The following SMIM19 variants were observed in gnomAD, a reference collection of about 807,000 sequenced individuals.
SMIM19 encodes UPF0697 protein C8orf40.
In SMIM19, 6 loss-of-function variants were observed where a neutral mutation model predicts 13.2. The observed-to-expected ratio is 0.45, with a 90% confidence interval of 0.25 to 0.90. The LOEUF is 0.90. Ranked by LOEUF, SMIM19 falls within the 40% of genes least tolerant of loss-of-function variation. SMIM19 has a pLI of 0.19. For synonymous variants in SMIM19, 46 were observed against 43.1 expected, an observed-to-expected ratio of 1.07 and a Z score of -0.27; for missense variants, 138 against 131.0, an observed-to-expected ratio of 1.05 and a Z score of -0.26.
Position 42,552,671 on chromosome 8 carries a change from T to A in SMIM19, c.*63T>A, listed in dbSNP as rs1813713086. On this transcript the variant is annotated 3_prime_UTR_variant, in exon 4 of 4. Coordinates refer to ENST00000417410, the MANE Select transcript of SMIM19 (RefSeq NM_001135674.2). ...GCTCCTGATTCTTTCTACTAAATCA[T>A]GAACAGCTTTAAAAACATTTCTGTC... 5 of 1,521,642 alleles carry A rather than the reference T, an allele frequency of 3.3e-6. No homozygotes were observed. Among genetic ancestry groups the A allele is most frequent in the African/African-American group, 1.4e-5 (1 of 72,450 alleles). The allele number at this position is 1,521,642 out of a possible 1,614,324, so 94.3% of individuals were successfully genotyped here.
At chr8:42,548,156 A>T (rs555717033) in intron 2 of SMIM19, among the ~76,000 whole-genome samples, 6 of 152,138 alleles carry the variant, frequency 3.9e-5, no homozygotes, top group Non-Finnish European at 1.5e-5. Flanking sequence ...CCGCCTCCCC[A>T]TGTTTCTTTT....
chr8:42,548,144 C>T (rs748847101), intron 2 of SMIM19, among the ~76,000 whole-genome samples: 1 of 152,150 alleles, frequency 6.6e-6, no homozygotes, highest in African/African-American at 2.4e-5. Context: ...AAACAGCCAC[C>T]GCCGCCTCCC....
chr8:42,552,443 C>A, intron 3 of SMIM19, 101 bp from the exon 4 acceptor site: 16 of 1,288,576 alleles, frequency 1.2e-5, no homozygotes, highest in Non-Finnish European at 1.7e-5. Flanking sequence ...AAAACTAATT[C>A]TTCATTGAGA....
At chr8:42,543,938 A>G (rs1019931097) in intron 1 of SMIM19, among the ~76,000 whole-genome samples, 1 of 152,102 alleles carries the variant, frequency 6.6e-6, no homozygotes, top group African/African-American at 2.4e-5. Flanking sequence ...GGTGGTTGCT[A>G]TTTTACACTT....
intron 1 of SMIM19, among the ~76,000 whole-genome samples, chr8:42,544,523 A>AATATATATTTAGATAGTG (rs1563566957): frequency 1.5e-4 from 5 of 34,376 alleles, no homozygotes; most frequent in African/African-American, 3.8e-4. Flanking sequence ...TAGTGTTTAA[A>AATATATATTTAGATAGTG]CAATATTTAG....
rs1225545867 is a variant in SMIM19, at chr8:42,541,739, C to T, written c.-639C>T. ...CCCCGCGTCCCCGCTTCTCCCGGTC[C>T]CCGGCGGGGCCGCGTCACCCGGCCC... On this transcript the variant is annotated 5_prime_UTR_variant, in exon 1 of 4. Coordinates refer to ENST00000417410, the MANE Select transcript of SMIM19 (RefSeq NM_001135674.2). 1 of 149,130 alleles carries T rather than the reference C, an allele frequency of 6.7e-6. No homozygotes were observed. The highest frequency in any genetic ancestry group is 1.5e-5 in the Non-Finnish European group (1 of 66,962). 9.2% of individuals were successfully genotyped at this position (149,130 alleles called of 1,614,324 possible).
intron 1 of SMIM19, among the ~76,000 whole-genome samples, chr8:42,544,321 G>T (rs180779872): frequency 6.6e-6 from 1 of 151,880 alleles, no homozygotes; most frequent in Non-Finnish European, 1.5e-5. Flanking sequence ...TGAGGCAGGG[G>T]AATGGTGTGA....
chr8:42,550,727 T>G (rs1813646624), intron 3 of SMIM19, among the ~76,000 whole-genome samples: 1 of 152,194 alleles, frequency 6.6e-6, no homozygotes, highest in African/African-American at 2.4e-5. Context: ...CCCTTTTGTC[T>G]TGTGAGGTAA....
At position 42,542,437 on chromosome 8, in the gene SMIM19, T is replaced by C. The variant is rs145320140; in HGVS notation, c.-5+64T>C. 1.1e-3 allele frequency: 1,122 copies of C among 985,250 alleles called. 15 individuals carry two copies. In the African/African-American group the frequency reaches 0.018, roughly 16 times the overall value. The allele number at this position is 985,250 out of a possible 1,614,324, so 61.0% of individuals were successfully genotyped here. A position where few individuals can be genotyped will look rare whatever the true frequency, so the allele number is the denominator to read the frequency against. ...GTTTCAGAGGGATGAGAGAAAGAAATCCCATTTTTTGATGCAGAGGATTTT... is the reference window on the plus strand; with the variant it reads ...GTTTCAGAGGGATGAGAGAAAGAAACCCCATTTTTTGATGCAGAGGATTTT... On this transcript the variant is annotated intron_variant, in intron 1 of 3. Transcript: ENST00000417410.
intron 3 of SMIM19, among the ~76,000 whole-genome samples, chr8:42,552,206 G>A (rs1346733339): frequency 6.6e-6 from 1 of 151,646 alleles, no homozygotes; most frequent in Admixed American, 6.6e-5. Context: ...ATCACTTGAG[G>A]CCAGGAGTTC....
chr8:42,548,544 G>T (rs1253295933), intron 2 of SMIM19, 112 bp from the exon 3 acceptor site: 1 of 1,366,960 alleles, frequency 7.3e-7, no homozygotes, highest in Non-Finnish European at 1.0e-6. Flanking sequence ...AAGTAAAATG[G>T]TCTTGTCATT....
intron 1 of SMIM19, among the ~76,000 whole-genome samples, chr8:42,544,284 T>G (rs561711526): frequency 6.1e-4 from 92 of 151,934 alleles, no homozygotes; most frequent in Non-Finnish European, 1.1e-3. Flanking sequence ...GGTGGTGGGC[T>G]CCTATAGTCC....
chr8:42,548,583 C>A, intron 2 of SMIM19, 73 bp from the exon 3 acceptor site: 1 of 1,580,892 alleles, frequency 6.3e-7, no homozygotes, highest in Non-Finnish European at 8.7e-7. Context: ...CTTCTGATGA[C>A]CAGGATCATG....
rs1350957536 is a variant in SMIM19 at position 42,541,680 on chromosome 8, C to T, written c.-698C>T. ...AGCCCCGGAGCGGAGCAGCGCTGGCCGCGTGCCGCCTCCGGAGCCGGCAGC... is the reference window on the plus strand; with the variant it reads ...AGCCCCGGAGCGGAGCAGCGCTGGCTGCGTGCCGCCTCCGGAGCCGGCAGC... On this transcript the variant is annotated 5_prime_UTR_variant, in exon 1 of 4. Coordinates refer to ENST00000417410, the MANE Select transcript of SMIM19 (RefSeq NM_001135674.2). 2 of 149,718 alleles carry T rather than the reference C, an allele frequency of 1.3e-5. No homozygotes were observed. The highest frequency in any genetic ancestry group is 3.0e-5 in the Non-Finnish European group (2 of 67,156). 9.3% of individuals were successfully genotyped at this position (149,718 alleles called of 1,614,324 possible).
At chr8:42,549,462 G>C (rs1434072915) in intron 3 of SMIM19, among the ~76,000 whole-genome samples, 1 of 151,972 alleles carries the variant, frequency 6.6e-6, no homozygotes, top group Non-Finnish European at 1.5e-5. Context: ...GATGAACCTT[G>C]AAGACAGTAC....
intron 1 of SMIM19, among the ~76,000 whole-genome samples, chr8:42,544,048 TA>T (rs139970014): frequency 0.051 from 7,819 of 152,294 alleles, 480 homozygotes; most frequent in African/African-American, 0.15. Context: ...TTACTTACTA[TA>T]AACCATAAAG....
chr8:42,551,274 C>T (rs1813666858), intron 3 of SMIM19, among the ~76,000 whole-genome samples: 1 of 147,632 alleles, frequency 6.8e-6, no homozygotes, highest in South Asian at 2.1e-4. Flanking sequence ...GCTGAGATCA[C>T]GCCACTGCAC....
Position 42,546,452 on chromosome 8 carries a change from T to G in SMIM19, c.-4-17T>G, listed in dbSNP as rs368642158. ...TCATTAATTAAAAGAAACCCTGCTT[T>G]CTTTTCTCTCTTACAGCCCCATGGC... On this transcript the variant is annotated splice_polypyrimidine_tract_variant and intron_variant, in intron 1 of 3. Transcript: ENST00000417410. 55 of 1,585,550 alleles carry G rather than the reference T, an allele frequency of 3.5e-5. No individual in the cohort carries two copies. Among genetic ancestry groups the G allele is most frequent in the Non-Finnish European group, 4.4e-5 (52 of 1,171,552 alleles).
Position 42,554,868 on chromosome 8 carries a change from A to G in SMIM19, c.*2260A>G, listed in dbSNP as rs971231871. ...TGTTTTAATGTGTAAGATATTCAGC[A>G]GTAAGCACTGGTCAGCCTGCCCTGG... is the stretch of plus-strand genomic sequence containing the variant. On this transcript the variant is annotated 3_prime_UTR_variant, in exon 4 of 4. Transcript: ENST00000417410. 1 of 152,238 alleles carries G rather than the reference A, an allele frequency of 6.6e-6. No homozygotes were observed. Among genetic ancestry groups the G allele is most frequent in the Non-Finnish European group, 1.5e-5 (1 of 68,038 alleles). 9.4% of individuals were successfully genotyped at this position (152,238 alleles called of 1,614,324 possible).
Sources: allele counts gnomAD v4.1 joint callset (sites outside exome capture counted in the v4.1 genomes callset), GRCh38; gene constraint gnomAD v4.1.1; transcripts MANE v1.5; gene names NCBI Gene and HGNC (gene_info 2026-07-23, HGNC 2026-07-21).